The following PAPPA variants were observed in gnomAD, a reference collection of about 807,000 sequenced individuals.
PAPPA encodes pappalysin-1.
Under a neutral mutation model 164.0 loss-of-function variants are expected in PAPPA, and 60 were observed. The observed-to-expected ratio is 0.37, with a 90% CI of 0.30 to 0.45. The LOEUF is 0.45. PAPPA is among the 20% of genes least tolerant of loss of function. The pLI is 1.00. For missense variants in PAPPA, 1,782 were observed against 2,087.3 expected, an observed-to-expected ratio of 0.85 and a Z score of 2.85; for synonymous variants, 875 against 814.1, an observed-to-expected ratio of 1.07 and a Z score of -1.27.
intron 14 of PAPPA, 113 bp downstream of exon 14, chr9:116,344,824 A>G: frequency 3.9e-6 from 3 of 768,692 alleles, no homozygotes; most frequent in South Asian, 2.1e-5. Flanking sequence ...GCTGCCACAT[A>G]GTAGGTGCTC....
intron 5 of PAPPA, among the ~76,000 whole-genome samples, chr9:116,222,991 T>G (rs997882084): frequency 1.3e-5 from 2 of 152,146 alleles, no homozygotes; most frequent in Admixed American, 1.3e-4. Context: ...AAAAATAAAA[T>G]GTTAAAAATT....
At chr9:116,385,164 G>A (rs71505574) in intron 21 of PAPPA, among the ~76,000 whole-genome samples, 59,743 of 151,406 alleles carry the variant, frequency 0.39, 12,255 homozygotes, top group Middle Eastern at 0.46. Context: ...AACCTGGGAG[G>A]CAGAGGTTGC....
At chr9:116,385,292 G>C (rs1183175183) in intron 21 of PAPPA, among the ~76,000 whole-genome samples, 3 of 144,946 alleles carry the variant, frequency 2.1e-5, no homozygotes, top group African/African-American at 7.7e-5. Context: ...TAATAATTTG[G>C]AATCCACACC....
Position 116,235,370 on chromosome 9 carries a change from G to C in PAPPA, c.2465G>C (p.Ser822Thr). The C allele has an allele frequency of 6.2e-7, 1 of 1,614,110 alleles. No individual in the cohort carries two copies. Among genetic ancestry groups the C allele is most frequent in the African/African-American group, 1.3e-5 (1 of 75,046 alleles). The change falls in exon 7 of 22, where the codon AGT becomes ACT. Residue 822 changes from serine (S) to threonine (T), a missense_variant. Coordinates refer to ENST00000328252, the MANE Select transcript of PAPPA (RefSeq NM_002581.5). ...AVNDIKLLAV[S>T]GKNISLGPQN... The stretch of plus-strand genomic sequence containing the variant: ...AATGACATCAAACTGTTGGCTGTCA[G>C]TGGGAAGAACATCTCCCTGGGTCCT...
intron 10 of PAPPA, among the ~76,000 whole-genome samples, chr9:116,303,193 A>G (rs1227944833): frequency 6.6e-6 from 1 of 152,206 alleles, no homozygotes; most frequent in Non-Finnish European, 1.5e-5. Context: ...GTAATAACTA[A>G]TATTTGGAGA....
chr9:116,363,046 C>T (rs774370469), intron 18 of PAPPA, among the ~76,000 whole-genome samples: 6 of 152,076 alleles, frequency 3.9e-5, no homozygotes, highest in East Asian at 3.9e-4. Flanking sequence ...AAAAGCTTGT[C>T]GGGGAAGAAA....
chr9:116,221,436 A>T lies in PAPPA; in HGVS notation c.2111+1307A>T, dbSNP rs189930692. ...TACTTTATTGTAGTTGCTGGGATCT[A>T]TCAAGTGCTTACTATGTGATGGATT... On this transcript the variant is annotated intron_variant, in intron 5 of 21. Transcript: ENST00000328252. Among the ~76,000 whole-genome samples, 282 of 152,324 alleles carry T rather than the reference A, an allele frequency of 1.9e-3. 1 individual carries two copies. Among genetic ancestry groups the T allele is most frequent in the African/African-American group, 6.3e-3 (263 of 41,572 alleles).
At chr9:116,207,722 T>C (rs925552199) in intron 3 of PAPPA, 121 bp downstream of exon 3, 1 of 688,214 alleles carries the variant, frequency 1.5e-6, no homozygotes. Flanking sequence ...GAACAACCGA[T>C]TTATTTATCA....
Position 116,334,988 on chromosome 9 carries a change from G to A in PAPPA, c.3525G>A (p.Gly1175=), listed in dbSNP as rs780721455. The A allele has an allele frequency of 6.2e-7, 1 of 1,613,852 alleles. No homozygotes were observed. The highest frequency in any genetic ancestry group is 1.3e-5 in the African/African-American group (1 of 74,872). The change falls in exon 13 of 22, where the codon GGG becomes GGA. Residue 1175 remains glycine, a synonymous_variant. Coordinates refer to ENST00000328252, the MANE Select transcript of PAPPA (RefSeq NM_002581.5). ...SFSSPLVAIS[G]VALRSFDNFD... ...GTTCGCCCCTGGTCGCCATCTCGGGGGTGGCCCTCCGTTCCTTCGACAACT... is the reference window on the plus strand; with the variant it reads ...GTTCGCCCCTGGTCGCCATCTCGGGAGTGGCCCTCCGTTCCTTCGACAACT...
intron 7 of PAPPA, among the ~76,000 whole-genome samples, chr9:116,254,650 T>G (rs187842811): frequency 1.3e-5 from 2 of 151,506 alleles, no homozygotes; most frequent in Non-Finnish European, 2.9e-5. Context: ...GGCGTGGTGG[T>G]GGGCGCCTGT....
At chr9:116,373,605 C>T (rs894630680) in intron 19 of PAPPA, 10 of 152,020 alleles carry the variant, frequency 6.6e-5, no homozygotes, top group Non-Finnish European at 1.5e-4. Flanking sequence ...TGCTTGGGGC[C>T]TGTCTTCTTG....
At chr9:116,172,298 C>T (rs1843783484) in intron 1 of PAPPA, among the ~76,000 whole-genome samples, 1 of 152,204 alleles carries the variant, frequency 6.6e-6, no homozygotes, top group Non-Finnish European at 1.5e-5. Context: ...GTTCTAAATT[C>T]TGTAGCCTCA....
intron 1 of PAPPA, among the ~76,000 whole-genome samples, chr9:116,163,725 T>G (rs1435885833): frequency 6.6e-6 from 1 of 152,150 alleles, no homozygotes; most frequent in Non-Finnish European, 1.5e-5. Context: ...GTGGACACAT[T>G]TTCGGCTTCC....
rs10983067 is a variant in PAPPA, at chr9:116,156,032, T to C, written c.415+1445T>C. Among the ~76,000 whole-genome samples, 1,275 of 151,450 alleles carry C rather than the reference T, an allele frequency of 8.4e-3. 8 individuals are homozygous for C. The highest frequency in any genetic ancestry group is 0.013 in the Non-Finnish European group (898 of 67,890). On this transcript the variant is annotated intron_variant, in intron 1 of 21. Coordinates refer to ENST00000328252, the MANE Select transcript of PAPPA (RefSeq NM_002581.5). ...TTATCCATAATAATAATGACGATGG[T>C]GATAATTTAGAGCTGTAGTATGTTG...
At chr9:116,344,760 T>A (rs756403273) in intron 14 of PAPPA, 49 bp downstream of exon 14, 3 of 1,545,772 alleles carry the variant, frequency 1.9e-6, no homozygotes, top group Non-Finnish European at 2.7e-6. Context: ...CAGGGAAGGC[T>A]TACTGGGTGT....
chr9:116,249,669 G>A (rs1354303919), intron 7 of PAPPA, among the ~76,000 whole-genome samples: 1 of 152,178 alleles, frequency 6.6e-6, no homozygotes, highest in African/African-American at 2.4e-5. Context: ...GCAGAGCACC[G>A]GGTGGGGCTG....
chr9:116,239,257 C>T (rs1370948948), intron 7 of PAPPA, among the ~76,000 whole-genome samples: 2 of 152,180 alleles, frequency 1.3e-5, no homozygotes, highest in African/African-American at 4.8e-5. Context: ...ACATCTCCAT[C>T]TCCCTTAAGT....
chr9:116,296,451 G>C (rs1845507142), intron 9 of PAPPA, among the ~76,000 whole-genome samples: 1 of 152,132 alleles, frequency 6.6e-6, no homozygotes, highest in African/African-American at 2.4e-5. Flanking sequence ...GCACTGTTAT[G>C]GGTTGGAAAT....
intron 10 of PAPPA, chr9:116,318,564 G>T (rs1845815389): frequency 6.6e-6 from 1 of 152,062 alleles, no homozygotes; most frequent in South Asian, 2.1e-4. Context: ...ATACAAGGAA[G>T]GTTTTGCATC....
Sources: gnomAD v4.1 joint callset for allele counts (sites outside exome capture counted in the v4.1 genomes callset) on GRCh38, gnomAD v4.1.1 for gene constraint, MANE v1.5 for transcripts, NCBI Gene and HGNC (gene_info 2026-07-23, HGNC 2026-07-21) for gene names.